Variants in PCSK5 observed in about 807,000 individuals in gnomAD.
PCSK5 encodes prohormone convertase 5.
Under a neutral mutation model 233.2 loss-of-function variants are expected in PCSK5, and 129 were observed. The observed-to-expected ratio is 0.55, with a 90% CI of 0.48 to 0.64. The LOEUF is 0.64. Ranked by LOEUF, PCSK5 falls within the 30% of genes least tolerant of loss-of-function variation. PCSK5 has a pLI of 0.00. For missense variants in PCSK5, 2,076 were observed against 2,430.1 expected (o/e 0.85, Z 3.06); for synonymous variants, 825 against 879.2 (o/e 0.94, Z 1.09).
chr9:76,337,909 A>T (rs1829724407), intron 34 of PCSK5, among the ~76,000 whole-genome samples: 1 of 152,044 alleles, frequency 6.6e-6, no homozygotes, highest in South Asian at 2.1e-4. Context: ...ATGAACTTGG[A>T]GAGACACATG....
intron 24 of PCSK5, among the ~76,000 whole-genome samples, chr9:76,266,257 A>G (rs1827328361): frequency 6.6e-6 from 1 of 152,210 alleles, no homozygotes; most frequent in African/African-American, 2.4e-5. Flanking sequence ...GGTAGGCTAT[A>G]TATCTCTTCA....
Position 76,358,768 on chromosome 9 carries a change from A to G in PCSK5, c.5510A>G (p.Tyr1837Cys), listed in dbSNP as rs1423863058. The change falls in exon 38 of 38, where the codon TAC (tyrosine) becomes TGC (cysteine). Residue 1837 changes from tyrosine to cysteine, a missense_variant. By Grantham distance (194) the Tyr-to-Cys change is radical (BLOSUM62 -2). Coordinates refer to ENST00000674117, the MANE Select transcript of PCSK5 (RefSeq NM_001372043.1). ...TTTGAAGAGGATCAGGTGATTGAGT[A>G]CAGGGATCGGGACTATGATGAGGAT... ...TSFEEDQVIE[Y>C]RDRDYDEDDD... 2 of 1,612,960 alleles carry G rather than the reference A, an allele frequency of 1.2e-6. No homozygotes were observed. Among genetic ancestry groups the G allele is most frequent in the Non-Finnish European group, 1.7e-6 (2 of 1,179,894 alleles).
intron 9 of PCSK5, among the ~76,000 whole-genome samples, chr9:76,129,381 C>T (rs139350164): frequency 1.3e-3 from 205 of 152,278 alleles, no homozygotes; most frequent in Non-Finnish European, 2.5e-3. Context: ...ATCTGGGCCT[C>T]ATCATTTCAT....
intron 3 of PCSK5, among the ~76,000 whole-genome samples, chr9:75,992,549 A>C (rs1826813554): frequency 6.6e-6 from 1 of 152,140 alleles, no homozygotes; most frequent in Non-Finnish European, 1.5e-5. Flanking sequence ...ATTTTGGAGA[A>C]TCCCGTAGTA....
intron 25 of PCSK5, 137 bp downstream of exon 25, chr9:76,292,412 A>C: frequency 1.6e-6 from 1 of 641,894 alleles, no homozygotes; most frequent in Non-Finnish European, 2.8e-6. Flanking sequence ...ATTAATGAGC[A>C]ATTCTTGGAT....
intron 25 of PCSK5, among the ~76,000 whole-genome samples, chr9:76,293,223 A>G (rs1258502734): frequency 6.6e-6 from 1 of 152,224 alleles, no homozygotes; most frequent in Admixed American, 6.5e-5. Flanking sequence ...CTGTCCAAAA[A>G]CAAATACACT....
chr9:76,115,279 G>C (rs1832379537), intron 9 of PCSK5, among the ~76,000 whole-genome samples: 2 of 152,114 alleles, frequency 1.3e-5, no homozygotes, highest in Middle Eastern at 3.4e-3. Flanking sequence ...CTCCCCATCA[G>C]CTAATTAATC....
intron 25 of PCSK5, among the ~76,000 whole-genome samples, chr9:76,294,023 C>T (rs1168057259): frequency 6.6e-6 from 1 of 152,046 alleles, no homozygotes; most frequent in Non-Finnish European, 1.5e-5. Flanking sequence ...CTGGGGAAAC[C>T]CCGTCTCTAC....
chr9:76,004,362 G>A (rs897730965), intron 3 of PCSK5, among the ~76,000 whole-genome samples: 2 of 152,068 alleles, frequency 1.3e-5, no homozygotes, highest in Admixed American at 1.3e-4. Flanking sequence ...TATAATGTCA[G>A]AAGTCCCATT....
At chr9:76,296,590 C>T in intron 26 of PCSK5, 75 bp from the exon 27 acceptor site, 1 of 898,512 alleles carries the variant, frequency 1.1e-6, no homozygotes, top group Non-Finnish European at 1.8e-6. Flanking sequence ...CCTAAAATTT[C>T]CTCCAGCCTC....
chr9:76,033,186 A>G (rs1188450083), intron 5 of PCSK5, among the ~76,000 whole-genome samples: 1 of 152,228 alleles, frequency 6.6e-6, no homozygotes, highest in East Asian at 1.9e-4. Context: ...CAAAGCAACC[A>G]AAAGATATAG....
intron 2 of PCSK5, among the ~76,000 whole-genome samples, chr9:75,937,307 T>C (rs1012949605): frequency 3.3e-5 from 5 of 151,870 alleles, no homozygotes; most frequent in Admixed American, 1.3e-4. Context: ...GTCTCCTGAG[T>C]AGCTGGGATT....
intron 30 of PCSK5, among the ~76,000 whole-genome samples, chr9:76,314,786 G>A (rs1040128420): frequency 3.4e-5 from 5 of 147,884 alleles, no homozygotes; most frequent in African/African-American, 7.5e-5. Context: ...ACAGGCGCAT[G>A]CCACCACACC....
intron 5 of PCSK5, among the ~76,000 whole-genome samples, chr9:76,060,434 A>G (rs1331214829): frequency 6.6e-6 from 1 of 152,184 alleles, no homozygotes; most frequent in African/African-American, 2.4e-5. Context: ...AAAGGTCTGC[A>G]TCCTCATCGC....
intron 35 of PCSK5, among the ~76,000 whole-genome samples, chr9:76,340,968 A>G (rs1172211410): frequency 6.6e-6 from 1 of 151,420 alleles, no homozygotes; most frequent in Admixed American, 6.6e-5. Flanking sequence ...TAATCCCACC[A>G]CTATGGAAGG....
chr9:75,921,082 TAGG>T (rs953864449), intron 1 of PCSK5, among the ~76,000 whole-genome samples: 4 of 152,152 alleles, frequency 2.6e-5, no homozygotes, highest in African/African-American at 9.7e-5. Flanking sequence ...ATTAACTAGA[TAGG>T]AATATTTAAA....
intron 1 of PCSK5, among the ~76,000 whole-genome samples, chr9:75,894,142 G>C (rs1825718702): frequency 2.0e-5 from 3 of 152,160 alleles, no homozygotes; most frequent in Admixed American, 2.0e-4. Flanking sequence ...TTGCAAATTG[G>C]AACTGAAACT....
chr9:76,163,924 G>A (rs1173432195), intron 12 of PCSK5, among the ~76,000 whole-genome samples: 1 of 132,270 alleles, frequency 7.6e-6, no homozygotes, highest in African/African-American at 2.9e-5. Context: ...TAGATGTACT[G>A]GCCCTCTGTT....
chr9:76,303,604 T>C (rs1324625100), intron 28 of PCSK5, among the ~76,000 whole-genome samples: 3 of 152,212 alleles, frequency 2.0e-5, no homozygotes, highest in African/African-American at 4.8e-5. Flanking sequence ...TGTTGCCTTA[T>C]TATTCTTTGA....
Sources: gnomAD v4.1 joint callset for allele counts (sites outside exome capture counted in the v4.1 genomes callset) on GRCh38, gnomAD v4.1.1 for gene constraint, MANE v1.5 for transcripts, NCBI Gene and HGNC (gene_info 2026-07-23, HGNC 2026-07-21) for gene names.